Variants in GRM5 observed in about 807,000 individuals in gnomAD.
The protein encoded by GRM5 is glutamate metabotropic receptor 5.
In GRM5, 19 loss-of-function variants were observed where a neutral mutation model predicts 83.1. The ratio of observed to expected loss-of-function variants is 0.23; its 90% CI spans 0.16 to 0.34. The LOEUF (loss-of-function observed/expected upper bound fraction) is 0.34, where lower values mean the gene tolerates loss of function less well. Among genes scored for constraint, GRM5 ranks in the 10% least tolerant of loss-of-function variants. The pLI, the probability that GRM5 is intolerant of heterozygous loss-of-function variation, is 1.00. For synonymous variants in GRM5, 675 were observed against 633.6 expected (o/e 1.07, Z -0.98); for missense variants, 1,160 against 1,588.3 (o/e 0.73, Z 4.58).
intron 2 of GRM5, among the ~76,000 whole-genome samples, chr11:88,982,413 C>A (rs1939555862): frequency 6.6e-6 from 1 of 152,072 alleles, no homozygotes; most frequent in Admixed American, 6.5e-5. Flanking sequence ...ATCCATGAAT[C>A]ATTTGGAAAA....
At chr11:88,992,990 A>T (rs1940035562) in intron 2 of GRM5, among the ~76,000 whole-genome samples, 1 of 151,960 alleles carries the variant, frequency 6.6e-6, no homozygotes, top group Non-Finnish European at 1.5e-5. Context: ...CGTTGTGCAC[A>T]TGTACCCTAG....
At chr11:88,620,312 A>G (rs1938599082) in intron 4 of GRM5, among the ~76,000 whole-genome samples, 2 of 152,192 alleles carry the variant, frequency 1.3e-5, no homozygotes, top group Admixed American at 6.5e-5. Flanking sequence ...CTAAATGCCT[A>G]TTCTGTGCAA....
intron 2 of GRM5, among the ~76,000 whole-genome samples, chr11:88,954,768 T>C (rs1039352155): frequency 4.6e-5 from 7 of 152,208 alleles, no homozygotes; most frequent in African/African-American, 1.7e-4. Context: ...ACCTGGCTGA[T>C]TTTGTTACCA....
At chr11:89,045,918 T>G (rs1941632784) in intron 2 of GRM5, among the ~76,000 whole-genome samples, 1 of 152,326 alleles carries the variant, frequency 6.6e-6, no homozygotes, top group South Asian at 2.1e-4. Context: ...AAATTTCAAT[T>G]GTCAAATTCC....
intron 2 of GRM5, among the ~76,000 whole-genome samples, chr11:88,972,716 A>G (rs1939204972): frequency 6.6e-6 from 1 of 152,160 alleles, no homozygotes; most frequent in South Asian, 2.1e-4. Context: ...GAGTATTCAC[A>G]TAGTCTCAAA....
chr11:89,061,088 T>C (rs1941981900), intron 1 of GRM5, among the ~76,000 whole-genome samples: 1 of 152,162 alleles, frequency 6.6e-6, no homozygotes, highest in South Asian at 2.1e-4. Context: ...AACATATATG[T>C]ATATCAACAT....
At chr11:88,899,956 TAATAAAATGTAAGAAGA>T (rs1301601610) in intron 2 of GRM5, among the ~76,000 whole-genome samples, 1 of 152,108 alleles carries the variant, frequency 6.6e-6, no homozygotes, top group Non-Finnish European at 1.5e-5. Context: ...CAACTTCATT[TAATAAAATGTAAGAAGA>T]CTTTAAAAGA....
At chr11:88,733,158 A>G (rs1169511628) in intron 3 of GRM5, among the ~76,000 whole-genome samples, 2 of 152,014 alleles carry the variant, frequency 1.3e-5, no homozygotes, top group African/African-American at 2.4e-5. Flanking sequence ...GTATTGATGC[A>G]TTATTCTCGT....
intron 4 of GRM5, among the ~76,000 whole-genome samples, chr11:88,648,350 G>T (rs1338851370): frequency 7.5e-5 from 11 of 147,556 alleles, no homozygotes; most frequent in Non-Finnish European, 9.0e-5. Context: ...CATGTCCTTT[G>T]TAGGGACATG....
chr11:88,573,591 T>A (rs1943050068), intron 7 of GRM5, among the ~76,000 whole-genome samples: 5 of 152,120 alleles, frequency 3.3e-5, no homozygotes, highest in Admixed American at 3.3e-4. Flanking sequence ...GTTAGGTCAT[T>A]TCAGGTATAC....
chr11:88,913,295 T>C (rs1472027483), intron 2 of GRM5, among the ~76,000 whole-genome samples: 6 of 152,104 alleles, frequency 3.9e-5, no homozygotes, highest in African/African-American at 1.4e-4. Context: ...TCTCACCCGC[T>C]CAAGATCCAG....
chr11:88,882,825 T>A (rs1376525802), intron 2 of GRM5, among the ~76,000 whole-genome samples: 3 of 152,138 alleles, frequency 2.0e-5, no homozygotes, highest in African/African-American at 7.2e-5. Flanking sequence ...TTCCCACGTG[T>A]CATGGGAAGG....
chr11:88,896,222 T>C (rs1945226250), intron 2 of GRM5, among the ~76,000 whole-genome samples: 1 of 151,818 alleles, frequency 6.6e-6, no homozygotes, highest in Non-Finnish European at 1.5e-5. Flanking sequence ...TTCCAACACT[T>C]GTGCATCTAA....
intron 7 of GRM5, among the ~76,000 whole-genome samples, chr11:88,573,041 C>T (rs1196691942): frequency 5.9e-5 from 9 of 152,162 alleles, no homozygotes; most frequent in East Asian, 3.9e-4. Context: ...TAGAAAACTG[C>T]GGTCCATTTT....
Position 88,868,011 on chromosome 11 carries a change from T to G in GRM5, c.662-17856A>C, listed in dbSNP as rs183142392. ...GAGATCATAATACTTGGAAAGGGCA[T>G]TGGCCTTTGCCATATATAGACTGAG... On this transcript the variant is annotated intron_variant, in intron 2 of 9. Coordinates refer to ENST00000305447, the MANE Select transcript of GRM5 (RefSeq NM_001143831.3). Among the ~76,000 whole-genome samples the G allele has an allele frequency of 5.2e-4, 79 of 152,104 alleles. 1 individual carries two copies. Among genetic ancestry groups the G allele is most frequent in the African/African-American group, 1.8e-3 (75 of 41,556 alleles).
At chr11:88,511,208 T>C (rs1453329197) in intron 9 of GRM5, among the ~76,000 whole-genome samples, 1 of 152,152 alleles carries the variant, frequency 6.6e-6, no homozygotes, top group African/African-American at 2.4e-5. Flanking sequence ...CAGAAAGCCA[T>C]CCTTTTCTTC....
At chr11:89,033,464 G>T (rs548478234) in intron 2 of GRM5, among the ~76,000 whole-genome samples, 73 of 152,026 alleles carry the variant, frequency 4.8e-4, no homozygotes, top group African/African-American at 1.5e-3. Context: ...TAGAAATTGT[G>T]TACAATCTAC....
At chr11:88,598,929 A>T (rs773476107) in intron 5 of GRM5, among the ~76,000 whole-genome samples, 1 of 152,202 alleles carries the variant, frequency 6.6e-6, no homozygotes, top group Non-Finnish European at 1.5e-5. Flanking sequence ...CAGATAATGG[A>T]CTGAAGCTCA....
chr11:89,064,030 T>A (rs929100815), intron 1 of GRM5, among the ~76,000 whole-genome samples: 4 of 152,188 alleles, frequency 2.6e-5, no homozygotes, highest in African/African-American at 9.6e-5. Flanking sequence ...GTCAAGGACA[T>A]GGTAGGTCCC....
Sources: gnomAD v4.1 joint callset for allele counts (sites outside exome capture counted in the v4.1 genomes callset) on GRCh38, gnomAD v4.1.1 for gene constraint, MANE v1.5 for transcripts, NCBI Gene and HGNC (gene_info 2026-07-23, HGNC 2026-07-21) for gene names.